The following ZNF804A variants were observed in gnomAD, a reference collection of about 807,000 sequenced individuals.
The protein encoded by ZNF804A is zinc finger protein 804A.
ZNF804A carries 2 observed loss-of-function variants against 16.5 expected under a neutral mutation model. The observed-to-expected ratio is 0.12, with a 90% CI of 0.05 to 0.38. The LOEUF (loss-of-function observed/expected upper bound fraction) is 0.38. Ranked by LOEUF, ZNF804A falls within the 10% of genes least tolerant of loss-of-function variation. ZNF804A has a pLI of 0.99. For synonymous variants in ZNF804A, 534 were observed against 489.6 expected (o/e 1.09, Z -1.20); for missense variants, 1,473 against 1,390.7 (o/e 1.06, Z -0.94).
intron 1 of ZNF804A, among the ~76,000 whole-genome samples, chr2:184,720,430 A>G (rs1693292046): frequency 6.6e-6 from 1 of 152,174 alleles, no homozygotes; most frequent in Non-Finnish European, 1.5e-5. Flanking sequence ...CAAAATCAAC[A>G]TACAAAAACC....
At chr2:184,792,870 C>T (rs1031637531) in intron 1 of ZNF804A, among the ~76,000 whole-genome samples, 1 of 152,034 alleles carries the variant, frequency 6.6e-6, no homozygotes, top group Non-Finnish European at 1.5e-5. Context: ...TGGATCCCGT[C>T]ACCCAGGTAG....
At chr2:184,732,791 G>A (rs1391477928) in intron 1 of ZNF804A, among the ~76,000 whole-genome samples, 4 of 152,006 alleles carry the variant, frequency 2.6e-5, no homozygotes, top group African/African-American at 9.7e-5. Context: ...AATGTCTAAT[G>A]TAAATGGTGT....
At chr2:184,871,759 A>T (rs1558988604) in intron 2 of ZNF804A, among the ~76,000 whole-genome samples, 1 of 152,040 alleles carries the variant, frequency 6.6e-6, no homozygotes. Context: ...TTAAGAAAAT[A>T]AAAGATTAGT....
At chr2:184,931,570 G>C (rs1685702805) in intron 2 of ZNF804A, among the ~76,000 whole-genome samples, 1 of 152,168 alleles carries the variant, frequency 6.6e-6, no homozygotes, top group Non-Finnish European at 1.5e-5. Context: ...AAGTGGCAAG[G>C]CTCTGGGTCT....
chr2:184,859,723 A>G (rs12693398), intron 1 of ZNF804A, among the ~76,000 whole-genome samples: 23,249 of 152,190 alleles, frequency 0.15, 1,974 homozygotes, highest in Middle Eastern at 0.24. Flanking sequence ...TTATTATTCC[A>G]GGTTCTTTGT....
intron 1 of ZNF804A, among the ~76,000 whole-genome samples, chr2:184,677,259 C>A (rs1488613897): frequency 6.6e-6 from 1 of 151,790 alleles, no homozygotes; most frequent in Non-Finnish European, 1.5e-5. Context: ...CAATTTTTTT[C>A]TAGGTTGTCA....
chr2:184,694,732 T>A (rs1692792729), intron 1 of ZNF804A, among the ~76,000 whole-genome samples: 1 of 152,216 alleles, frequency 6.6e-6, no homozygotes, highest in Non-Finnish European at 1.5e-5. Context: ...TTGGACATAT[T>A]TATTCTAAAA....
intron 1 of ZNF804A, among the ~76,000 whole-genome samples, chr2:184,648,064 C>A (rs147793252): frequency 6.6e-6 from 1 of 152,020 alleles, no homozygotes; most frequent in Non-Finnish European, 1.5e-5. Context: ...CAGATGGGGG[C>A]CCGATTTGCA....
In ZNF804A at chr2:184,873,392, G is replaced by C. The variant is rs771018513; in HGVS notation, c.255+6880G>C. 2.0e-5 allele frequency among the ~76,000 whole-genome samples: 3 copies of C among 152,160 alleles called. 1 individual carries two copies. Among genetic ancestry groups the C allele is most frequent in the Admixed American group, 2.0e-4 (3 of 15,276 alleles). On this transcript the variant is annotated intron_variant, in intron 2 of 3. Coordinates refer to ENST00000302277, the MANE Select transcript of ZNF804A (RefSeq NM_194250.2). The stretch of plus-strand genomic sequence containing the variant: ...AGTCCCAGCTATGCAGGAAGCTGAG[G>C]TGGAAGGATCGCTTGAGCCTGGGAG...
intron 2 of ZNF804A, among the ~76,000 whole-genome samples, chr2:184,886,421 C>G (rs938105995): frequency 6.6e-6 from 1 of 152,274 alleles, no homozygotes; most frequent in South Asian, 2.1e-4. Flanking sequence ...TGTCAGTGAT[C>G]TGCCATTCTG....
intron 1 of ZNF804A, among the ~76,000 whole-genome samples, chr2:184,782,587 T>A (rs1694386385): frequency 6.6e-6 from 1 of 151,322 alleles, no homozygotes; most frequent in African/African-American, 2.4e-5. Flanking sequence ...TGGTTTCCCT[T>A]GCTCTTCAGC....
At chr2:184,689,375 T>G (rs1559127070) in intron 1 of ZNF804A, among the ~76,000 whole-genome samples, 1 of 152,102 alleles carries the variant, frequency 6.6e-6, no homozygotes, top group African/African-American at 2.4e-5. Context: ...AGTGTTCAAA[T>G]TTTTGACTTA....
intron 1 of ZNF804A, among the ~76,000 whole-genome samples, chr2:184,715,069 G>A (rs189575584): frequency 6.6e-6 from 1 of 152,140 alleles, no homozygotes. Flanking sequence ...TGTGTCCCAC[G>A]AGAGTAGCCT....
At chr2:184,733,279 T>C (rs1332913614) in intron 1 of ZNF804A, among the ~76,000 whole-genome samples, 2 of 152,218 alleles carry the variant, frequency 1.3e-5, no homozygotes, top group Non-Finnish European at 2.9e-5. Flanking sequence ...AATTTATTTC[T>C]ATGCTCCTGT....
chr2:184,877,815 A>G (rs542665555), intron 2 of ZNF804A, among the ~76,000 whole-genome samples: 152 of 152,204 alleles, frequency 1.0e-3, no homozygotes, highest in African/African-American at 3.5e-3. Flanking sequence ...TCATCCTTCT[A>G]TGATACAGAA....
chr2:184,620,632 C>G (rs1691403053), intron 1 of ZNF804A, among the ~76,000 whole-genome samples: 1 of 151,552 alleles, frequency 6.6e-6, no homozygotes, highest in African/African-American at 2.4e-5. Flanking sequence ...ATTATTTTTG[C>G]TTGAGCCTGT....
At chr2:184,847,632 C>A (rs1695540524) in intron 1 of ZNF804A, among the ~76,000 whole-genome samples, 1 of 152,002 alleles carries the variant, frequency 6.6e-6, no homozygotes, top group South Asian at 2.1e-4. Context: ...ATTTTTTCCT[C>A]ACACTAATTA....
intron 1 of ZNF804A, among the ~76,000 whole-genome samples, chr2:184,742,940 G>C (rs2105753836): frequency 6.6e-6 from 1 of 151,962 alleles, no homozygotes; most frequent in Admixed American, 6.6e-5. Context: ...CACAGTTTCA[G>C]GCTCATGGAG....
At chr2:184,646,727 C>T (rs1252480850) in intron 1 of ZNF804A, among the ~76,000 whole-genome samples, 17 of 152,234 alleles carry the variant, frequency 1.1e-4, no homozygotes, top group Non-Finnish European at 1.5e-5. Flanking sequence ...TTAGACTACC[C>T]CCCATCCCCA....
Sources: gnomAD v4.1 joint callset for allele counts (sites outside exome capture counted in the v4.1 genomes callset) on GRCh38, gnomAD v4.1.1 for gene constraint, MANE v1.5 for transcripts, NCBI Gene and HGNC (gene_info 2026-07-23, HGNC 2026-07-21) for gene names.